The following SEMG1 variants were observed in gnomAD, a reference collection of about 807,000 sequenced individuals.
SEMG1 encodes semenogelin-1.
SEMG1 carries 6 observed loss-of-function variants against 8.8 expected under a neutral mutation model. The observed-to-expected ratio is 0.68, with a 90% CI of 0.37 to 1.35. The LOEUF (loss-of-function observed/expected upper bound fraction) is 1.35, where lower values mean the gene tolerates loss of function less well. SEMG1 is among the 40% of genes most tolerant of loss of function. The probability of loss-of-function intolerance (pLI) is 0.02; values close to 1 mark genes in which losing one functional copy is unlikely to be tolerated. For missense variants in SEMG1, 580 were observed against 533.6 expected, an observed-to-expected ratio of 1.09 and a Z score of -0.86; for synonymous variants, 221 against 190.3, an observed-to-expected ratio of 1.16 and a Z score of -1.33.
At chr20:45,209,403 T>G (rs1194640722) in intron 2 of SEMG1, among the ~76,000 whole-genome samples, 198 bp from the exon 3 acceptor site, 1 of 152,176 alleles carries the variant, frequency 6.6e-6, no homozygotes, top group Non-Finnish European at 1.5e-5. Flanking sequence ...CTTCCCTGCC[T>G]CTTTGCAGTA....
rs754535125 is a variant in SEMG1, at chr20:45,209,600, G to A, written c.*45-1G>A. 6.6e-6 allele frequency: 1 copy of A among 152,132 alleles called. No homozygotes were observed. Among genetic ancestry groups the A allele is most frequent in the South Asian group, 2.1e-4 (1 of 4,828 alleles). 9.4% of individuals were successfully genotyped at this position (152,132 alleles called of 1,614,324 possible). ...TCACTGATTCTCTTCTTTCTCTCTAGGTGTCAGTTGACCTCAGTGAATTCT... is the reference window on the plus strand; with the variant it reads ...TCACTGATTCTCTTCTTTCTCTCTAAGTGTCAGTTGACCTCAGTGAATTCT... On this transcript the variant is annotated splice_acceptor_variant, in intron 2 of 2. Coordinates refer to ENST00000372781, the MANE Select transcript of SEMG1 (RefSeq NM_003007.5). LOFTEE classifies it low-confidence loss of function (3UTR_SPLICE).
rs1252394593 is a variant in SEMG1, at chr20:45,207,298, G to C, written c.77-76G>C. The stretch of plus-strand genomic sequence containing the variant: ...TCTAGAAATATCAATAATTTGTTGG[G>C]GGAAAAGTGGGGGGTAAGAGTTGTA... On this transcript the variant is annotated intron_variant, in intron 1 of 2. Transcript: ENST00000372781. The C allele has an allele frequency of 2.8e-6, 4 of 1,439,232 alleles. No individual in the cohort carries two copies. In the Admixed American group the frequency reaches 8.4e-5, roughly 30 times the overall value. The allele number at this position is 1,439,232 out of a possible 1,614,324, so 89.2% of individuals were successfully genotyped here.
At position 45,208,625 on chromosome 20, in the gene SEMG1, A is replaced by G. The variant is rs1568836097; in HGVS notation, c.1328A>G (p.Asp443Gly). 6.2e-7 allele frequency: 1 copy of G among 1,613,154 alleles called. No homozygotes were observed. The highest frequency in any genetic ancestry group is 8.5e-7 in the Non-Finnish European group (1 of 1,179,702). Residue 443 changes from aspartate (D) to glycine (G), a missense_variant, in exon 2 of 3, where the codon GAT becomes GGT. Physicochemically the swap from Asp to Gly is moderately conservative, Grantham distance 94. Coordinates refer to ENST00000372781, the MANE Select transcript of SEMG1 (RefSeq NM_003007.5). The part of the protein sequence containing the change: ...GLDIVIIEQE[D>G]DSDRHLAQHL... ...GATATTGTAATTATAGAGCAGGAAGATGACAGTGATCGTCATTTGGCACAA... is the reference window on the plus strand; with the variant it reads ...GATATTGTAATTATAGAGCAGGAAGGTGACAGTGATCGTCATTTGGCACAA...
chr20:45,209,226 T>C (rs1983789842), intron 2 of SEMG1, among the ~76,000 whole-genome samples: 1 of 152,032 alleles, frequency 6.6e-6, no homozygotes. Context: ...AGACTATCAG[T>C]CCTCCCTCTC....
chr20:45,209,052 G>A (rs921475993), intron 2 of SEMG1, among the ~76,000 whole-genome samples: 1 of 152,052 alleles, frequency 6.6e-6, no homozygotes, highest in Non-Finnish European at 1.5e-5. Flanking sequence ...ATAAGTTTAT[G>A]GTATACTCTT....
At position 45,208,019 on chromosome 20, in the gene SEMG1, C is replaced by T. The variant is rs377393231; in HGVS notation, c.722C>T (p.Ala241Val). 4.7e-5 allele frequency: 76 copies of T among 1,613,892 alleles called. No homozygotes were observed. The highest frequency in any genetic ancestry group is 5.7e-5 in the Non-Finnish European group (67 of 1,179,964). The part of the protein sequence containing the change: ...SSKVQTSLCP[A>V]HQDKLQHGSK... ...AAAGTACAAACCTCACTCTGTCCTG[C>T]GCACCAAGACAAACTCCAACATGGA... is the stretch of plus-strand genomic sequence containing the variant. Residue 241 changes from alanine (A) to valine (V), a missense_variant, in exon 2 of 3, where the codon GCG becomes GTG. By Grantham distance (64) the Ala-to-Val change is moderately conservative. Transcript: ENST00000372781.
Position 45,209,671 on chromosome 20 carries a change from G to C in SEMG1, c.*115G>C, listed in dbSNP as rs1983800549. 6.6e-6 allele frequency: 1 copy of C among 152,118 alleles called. No individual in the cohort carries two copies. The highest frequency in any genetic ancestry group is 1.5e-5 in the Non-Finnish European group (1 of 68,040). The allele number at this position is 152,118 out of a possible 1,614,324, so 9.4% of individuals were successfully genotyped here. A position where few individuals can be genotyped will look rare whatever the true frequency, so the allele number is the denominator to read the frequency against. On this transcript the variant is annotated 3_prime_UTR_variant, in exon 3 of 3. Transcript: ENST00000372781. Reference sequence around the variant, plus strand: ...ACTCCCGTGTAGTTTCAGATTCTTGGTCCATGGATGACACCACCTGCCCAT... The same window carrying C: ...ACTCCCGTGTAGTTTCAGATTCTTGCTCCATGGATGACACCACCTGCCCAT...
In SEMG1 at chr20:45,208,453, T is replaced by A. The variant is rs1651104779; in HGVS notation, c.1156T>A (p.Ser386Thr). 2 of 1,613,974 alleles carry A rather than the reference T, an allele frequency of 1.2e-6. No homozygotes were observed. Among genetic ancestry groups the A allele is most frequent in the Non-Finnish European group, 1.7e-6 (2 of 1,179,972 alleles). ...SQTEKLVAGKSQIQAPNPKQE... is the reference protein window; with the variant it reads ...SQTEKLVAGKTQIQAPNPKQE... ...AACTGAAAAGCTAGTAGCAGGCAAG[T>A]CTCAAATCCAGGCACCAAATCCTAA... Residue 386 changes from serine to threonine, a missense_variant, in exon 2 of 3, where the codon TCT (serine) becomes ACT (threonine). Ser to Thr is a moderately conservative substitution (Grantham distance 58). Coordinates refer to ENST00000372781, the MANE Select transcript of SEMG1 (RefSeq NM_003007.5).
rs758379484 is a variant in SEMG1 at position 45,207,202 on chromosome 20, C to G, written c.76+73C>G. ...AATCTAAGATTATTTGGGGTGCAAA[C>G]AGTAACCTGTTTAGGCACAGATTCT... is the stretch of plus-strand genomic sequence containing the variant. On this transcript the variant is annotated intron_variant, in intron 1 of 2. Transcript: ENST00000372781. The G allele has an allele frequency of 5.0e-6, 8 of 1,593,984 alleles. No individual in the cohort carries two copies. In the Admixed American group the frequency reaches 5.1e-5, roughly 10 times the overall value.
rs528090154 is a variant in SEMG1 at position 45,208,004 on chromosome 20, C to A, written c.707C>A (p.Thr236Asn). Residue 236 changes from threonine to asparagine, a missense_variant, in exon 2 of 3, where the codon ACC becomes AAC. Physicochemically the swap from Thr to Asn is moderately conservative, Grantham distance 65. Transcript: ENST00000372781. ...VREEHSSKVQ[T>N]SLCPAHQDKL... ...GAGGAACATTCAAGTAAAGTACAAA[C>A]CTCACTCTGTCCTGCGCACCAAGAC... is the stretch of plus-strand genomic sequence containing the variant. The A allele has an allele frequency of 6.2e-7, 1 of 1,613,964 alleles. No homozygotes were observed. The highest frequency in any genetic ancestry group is 1.3e-5 in the African/African-American group (1 of 74,982).
At position 45,208,286 on chromosome 20, in the gene SEMG1, T is replaced by G. The variant is rs1241722123; in HGVS notation, c.989T>G (p.Ile330Arg). The change falls in exon 2 of 3, where the codon ATA becomes AGA. Residue 330 changes from isoleucine to arginine, a missense_variant. By Grantham distance (97) the Ile-to-Arg change is moderately conservative. Transcript: ENST00000372781. ...EKAQGKSQKQITIPSQEQEHS... is the reference protein window; with the variant it reads ...EKAQGKSQKQRTIPSQEQEHS... Reference sequence around the variant, plus strand: ...GCACAGGGCAAGTCTCAAAAACAGATAACAATTCCCAGTCAAGAGCAAGAG... The same window carrying G: ...GCACAGGGCAAGTCTCAAAAACAGAGAACAATTCCCAGTCAAGAGCAAGAG... 6.3e-7 allele frequency: 1 copy of G among 1,599,382 alleles called. No individual in the cohort carries two copies. Among genetic ancestry groups the G allele is most frequent in the African/African-American group, 1.4e-5 (1 of 70,810 alleles).
chr20:45,209,179 G>C (rs1983788970), intron 2 of SEMG1, among the ~76,000 whole-genome samples: 1 of 152,130 alleles, frequency 6.6e-6, no homozygotes, highest in Non-Finnish European at 1.5e-5. Context: ...ATCCCTGTTA[G>C]GGTTCATCTA....
chr20:45,207,817 G>A lies in SEMG1; in HGVS notation c.520G>A (p.Glu174Lys). ...GCTGTGGGTTCATGGACTAAGTAAA[G>A]AACAAACTTCCGTCTCTGGTGCACA... ...ERLWVHGLSK[E>K]QTSVSGAQKG... Residue 174 changes from glutamate to lysine, a missense_variant, in exon 2 of 3, where the codon GAA (glutamate) becomes AAA (lysine). Coordinates refer to ENST00000372781, the MANE Select transcript of SEMG1 (RefSeq NM_003007.5). 6.2e-7 allele frequency: 1 copy of A among 1,613,978 alleles called. No homozygotes were observed. Among genetic ancestry groups the A allele is most frequent in the Non-Finnish European group, 8.5e-7 (1 of 1,179,942 alleles).
Position 45,208,573 on chromosome 20 carries a change from C to T in SEMG1, c.1276C>T (p.His426Tyr), listed in dbSNP as rs1983769516. 6.2e-7 allele frequency: 1 copy of T among 1,613,886 alleles called. No homozygotes were observed. The highest frequency in any genetic ancestry group is 8.5e-7 in the Non-Finnish European group (1 of 1,179,804). Reference protein sequence around the residue: ...DLLSHEQKGRHQHGSHGGLDI... With the variant: ...DLLSHEQKGRYQHGSHGGLDI... Reference sequence around the variant, plus strand: ...ACTCAGTCATGAACAAAAAGGCAGACACCAACATGGATCTCATGGGGGATT... The same window carrying T: ...ACTCAGTCATGAACAAAAAGGCAGATACCAACATGGATCTCATGGGGGATT... The change falls in exon 2 of 3, where the codon CAC (histidine) becomes TAC (tyrosine). Residue 426 changes from histidine to tyrosine, a missense_variant. Physicochemically the swap from His to Tyr is moderately conservative, Grantham distance 83 (BLOSUM62 2). Coordinates refer to ENST00000372781, the MANE Select transcript of SEMG1 (RefSeq NM_003007.5).
intron 2 of SEMG1, 47 bp from the exon 3 acceptor site, chr20:45,209,554 T>A (rs1293181604): frequency 6.6e-6 from 1 of 152,210 alleles, no homozygotes; most frequent in Non-Finnish European, 1.5e-5. Context: ...TCCCCACCCT[T>A]CACTTTTTAC....
At position 45,207,381 on chromosome 20, in the gene SEMG1, A is replaced by C; in HGVS notation, c.84A>C (p.Ser28=). ...QAAVMGQKGG[S]KGRLPSEFSQ... ...CTTATTATCAATTACCAGGTGGATC[A>C]AAAGGCCGATTACCAAGTGAATTTT... is the stretch of plus-strand genomic sequence containing the variant. Residue 28 remains serine (S), a synonymous_variant, in exon 2 of 3, where the codon TCA becomes TCC. Transcript: ENST00000372781. 1 of 1,608,892 alleles carries C rather than the reference A, an allele frequency of 6.2e-7. No homozygotes were observed. Among genetic ancestry groups the C allele is most frequent in the Non-Finnish European group, 8.5e-7 (1 of 1,177,614 alleles).
In SEMG1 at chr20:45,207,395, C is replaced by T. The variant is rs764393817; in HGVS notation, c.98C>T (p.Pro33Leu). 4 of 1,610,678 alleles carry T rather than the reference C, an allele frequency of 2.5e-6. No individual in the cohort carries two copies. The highest frequency in any genetic ancestry group is 3.4e-6 in the Non-Finnish European group (4 of 1,178,778). Residue 33 changes from proline (P) to leucine (L), a missense_variant, in exon 2 of 3, where the codon CCA becomes CTA. Pro to Leu is a moderately conservative substitution (Grantham distance 98). Transcript: ENST00000372781. ...CCAGGTGGATCAAAAGGCCGATTAC[C>T]AAGTGAATTTTCCCAATTTCCACAC... ...GQKGGSKGRL[P>L]SEFSQFPHGQ...
chr20:45,207,738 G>T lies in SEMG1; in HGVS notation c.441G>T (p.Gly147=), dbSNP rs369069421. The change falls in exon 2 of 3, where the codon GGG becomes GGT. Residue 147 remains glycine, a synonymous_variant. Transcript: ENST00000372781. The part of the protein sequence containing the change: ...RGTQNPSQDQ[G]NSPSGKGISS... ...CACAAAATCCTTCTCAAGATCAGGG[G>T]AATAGCCCATCTGGAAAGGGAATAT... 4 of 1,613,806 alleles carry T rather than the reference G, an allele frequency of 2.5e-6. No individual in the cohort carries two copies. The African/African-American group carries it at 5.3e-5, about 22-fold the overall frequency.
intron 1 of SEMG1, 80 bp downstream of exon 1, chr20:45,207,209 C>G: frequency 5.1e-6 from 8 of 1,580,008 alleles, no homozygotes; most frequent in Non-Finnish European, 6.9e-6. Flanking sequence ...AAACAGTAAC[C>G]TGTTTAGGCA....
Sources: allele counts gnomAD v4.1 joint callset (sites outside exome capture counted in the v4.1 genomes callset), GRCh38; gene constraint gnomAD v4.1.1; transcripts MANE v1.5; gene names NCBI Gene and HGNC (gene_info 2026-07-23, HGNC 2026-07-21).